Variants in PRKN observed in about 807,000 individuals in gnomAD.
The protein encoded by PRKN is E3 ubiquitin-protein ligase parkin.
Under a neutral mutation model 59.5 loss-of-function variants are expected in PRKN, and 56 were observed. That is an observed-to-expected ratio of 0.94 (90% CI 0.76 to 1.18). The LOEUF is 1.18. Ranked by LOEUF, PRKN falls within the 50% of genes most tolerant of loss-of-function variation. The pLI is 0.00. For synonymous variants in PRKN, 250 were observed against 222.1 expected, an observed-to-expected ratio of 1.13 and a Z score of -1.12; for missense variants, 657 against 596.4, an observed-to-expected ratio of 1.10 and a Z score of -1.06.
At chr6:162,393,557 T>G (rs1405359413) in intron 2 of PRKN, among the ~76,000 whole-genome samples, 1 of 152,186 alleles carries the variant, frequency 6.6e-6, no homozygotes, top group Non-Finnish European at 1.5e-5. Context: ...GATCAACTTT[T>G]GCATGCACGA....
In PRKN at chr6:161,637,424, C is replaced by CA. The variant is rs111543575; in HGVS notation, c.872-68009dup. ...GAACAAAAACTTTTTATTCCTGTGGCAAAAAAAAAAAGGAGGGAAAGAAAA... is the reference window on the plus strand; with the variant it reads ...GAACAAAAACTTTTTATTCCTGTGGCAAAAAAAAAAAAGGAGGGAAAGAAAA... On this transcript the variant is annotated intron_variant, in intron 7 of 11. Coordinates refer to ENST00000366898, the MANE Select transcript of PRKN (RefSeq NM_004562.3). 9.1e-3 allele frequency among the ~76,000 whole-genome samples: 1,235 copies of CA among 135,204 alleles called. 11 individuals are homozygous for CA. Among genetic ancestry groups the CA allele is most frequent in the African/African-American group, 0.016 (621 of 37,944 alleles). The allele number at this position is 135,204 out of a possible 152,430, so 88.7% of individuals were successfully genotyped here.
chr6:162,172,082 A>G (rs1783306182), intron 4 of PRKN, among the ~76,000 whole-genome samples: 1 of 152,234 alleles, frequency 6.6e-6, no homozygotes, highest in South Asian at 2.1e-4. Flanking sequence ...TGAAGTGCAC[A>G]GGATAAAAAA....
chr6:162,663,444 TA>T (rs1197900546), intron 1 of PRKN, among the ~76,000 whole-genome samples: 1 of 151,970 alleles, frequency 6.6e-6, no homozygotes, highest in Non-Finnish European at 1.5e-5. Flanking sequence ...TGAGTTGGGT[TA>T]GTTGCAGACA....
chr6:162,415,149 G>A (rs978265642), intron 2 of PRKN, among the ~76,000 whole-genome samples: 6 of 152,118 alleles, frequency 3.9e-5, no homozygotes, highest in East Asian at 1.9e-4. Flanking sequence ...TCACCTTGCC[G>A]GCAACCCTGC....
Position 161,548,744 on chromosome 6 carries a change from G to T in PRKN, c.1083+110C>A. On this transcript the variant is annotated intron_variant, in intron 9 of 11. Coordinates refer to ENST00000366898, the MANE Select transcript of PRKN (RefSeq NM_004562.3). The surrounding 1 kb of genome is among the most constrained non-coding windows in gnomAD (Gnocchi z 4.2). ...TTTTCTTATATGTAAGTTCAAAGAT[G>T]TCTAAGTCCAAAGGGAAAATGAAAA... 1 of 1,019,756 alleles carries T rather than the reference G, an allele frequency of 9.8e-7. No homozygotes were observed. Among genetic ancestry groups the T allele is most frequent in the Non-Finnish European group, 1.5e-6 (1 of 671,988 alleles). The allele number at this position is 1,019,756 out of a possible 1,614,324, so 63.2% of individuals were successfully genotyped here. A position where few individuals can be genotyped will look rare whatever the true frequency, so the allele number is the denominator to read the frequency against.
intron 6 of PRKN, among the ~76,000 whole-genome samples, chr6:161,963,239 T>C (rs73026528): frequency 0.09 from 13,706 of 152,088 alleles, 619 homozygotes; most frequent in Middle Eastern, 0.15. Context: ...ACACGCAAGG[T>C]TGACCCTAAC....
chr6:161,351,490 A>G (rs1784550239), intron 11 of PRKN, among the ~76,000 whole-genome samples: 1 of 151,884 alleles, frequency 6.6e-6, no homozygotes, highest in South Asian at 2.1e-4. Flanking sequence ...ATGCCCAGCT[A>G]ATTTTTGAAT....
chr6:161,908,993 A>G (rs1778254401), intron 6 of PRKN, among the ~76,000 whole-genome samples: 1 of 152,214 alleles, frequency 6.6e-6, no homozygotes, highest in Non-Finnish European at 1.5e-5. Flanking sequence ...AATTGAAGAG[A>G]GGCCTGTAAT....
At position 162,286,761 on chromosome 6, in the gene PRKN, G is replaced by A. The variant is rs74732866; in HGVS notation, c.172-23996C>T. ...TAAAATATCTGGCCAAGTAGCTGGCGTTTAAACAGATCAAGCATTTTACCT... is the reference window on the plus strand; with the variant it reads ...TAAAATATCTGGCCAAGTAGCTGGCATTTAAACAGATCAAGCATTTTACCT... On this transcript the variant is annotated intron_variant, in intron 2 of 11. Coordinates refer to ENST00000366898, the MANE Select transcript of PRKN (RefSeq NM_004562.3). Among the ~76,000 whole-genome samples, 1,448 of 152,214 alleles carry A rather than the reference G, an allele frequency of 9.5e-3. 25 individuals carry two copies. Among genetic ancestry groups the A allele is most frequent in the African/African-American group, 0.032 (1,321 of 41,546 alleles).
chr6:161,348,413 A>C lies in PRKN; in HGVS notation c.*1686T>G, dbSNP rs959188620. The C allele has an allele frequency of 8.9e-6, 2 of 223,728 alleles. No homozygotes were observed. The highest frequency in any genetic ancestry group is 5.8e-5 in the Admixed American group (1 of 17,360). The allele number at this position is 223,728 out of a possible 1,614,324, so 13.9% of individuals were successfully genotyped here. A position where few individuals can be genotyped will look rare whatever the true frequency, so the allele number is the denominator to read the frequency against. ...ACAGGTCTGTTGTCACCGTGGGGCC[A>C]TGTTGGAGTCGGTAGATTTTCAGAC... On this transcript the variant is annotated 3_prime_UTR_variant, in exon 12 of 12. Coordinates refer to ENST00000366898, the MANE Select transcript of PRKN (RefSeq NM_004562.3). The surrounding 1 kb of genome is among the most constrained non-coding windows in gnomAD (Gnocchi z 4.9).
intron 7 of PRKN, among the ~76,000 whole-genome samples, chr6:161,621,775 A>G (rs1782909699): frequency 6.6e-6 from 1 of 152,192 alleles, no homozygotes; most frequent in South Asian, 2.1e-4. Context: ...TGATCTAGTT[A>G]ACCTTGCTGG....
At position 161,730,878 on chromosome 6, in the gene PRKN, A is replaced by G. The variant is rs141595741; in HGVS notation, c.871+54894T>C. Among the ~76,000 whole-genome samples, 70 of 149,866 alleles carry G rather than the reference A, an allele frequency of 4.7e-4. 1 individual carries two copies. The East Asian group carries it at 0.013, about 29-fold the overall frequency. ...ATTCTGAAGTGTTGCATTCTTTCTGATATGTTGCATTCTGGCGTGTTGCAT... is the reference window on the plus strand; with the variant it reads ...ATTCTGAAGTGTTGCATTCTTTCTGGTATGTTGCATTCTGGCGTGTTGCAT... On this transcript the variant is annotated intron_variant, in intron 7 of 11. Transcript: ENST00000366898.
In PRKN at chr6:161,376,500, G is replaced by A. The variant is rs1785708298; in HGVS notation, c.1167+10294C>T. On this transcript the variant is annotated intron_variant, in intron 10 of 11. Coordinates refer to ENST00000366898, the MANE Select transcript of PRKN (RefSeq NM_004562.3). This position sits in a 1 kb window ranked among gnomAD's most constrained non-coding sequence, Gnocchi z 7.3. The stretch of plus-strand genomic sequence containing the variant: ...GTCTTCTAATCCACTGCCAAGTTCT[G>A]CAGATCCGACCTCAAGCCCATCCCC... Among the ~76,000 whole-genome samples, 3 of 152,134 alleles carry A rather than the reference G, an allele frequency of 2.0e-5. No homozygotes were observed. Among genetic ancestry groups the A allele is most frequent in the Admixed American group, 6.5e-5 (1 of 15,278 alleles).
intron 6 of PRKN, among the ~76,000 whole-genome samples, chr6:161,812,229 T>C (rs1047649134): frequency 5.3e-5 from 8 of 151,696 alleles, no homozygotes; most frequent in Non-Finnish European, 7.4e-5. Flanking sequence ...TCTAAAAGAA[T>C]AAAAATAAAA....
intron 1 of PRKN, among the ~76,000 whole-genome samples, chr6:162,582,547 C>A (rs1001741951): frequency 1.3e-5 from 2 of 152,142 alleles, no homozygotes; most frequent in Admixed American, 6.6e-5. Context: ...TTTCTAGGAC[C>A]AAATTCAAGT....
chr6:161,779,430 C>CTTTTTTTT (rs1790097814), intron 7 of PRKN, among the ~76,000 whole-genome samples: 5 of 46,880 alleles, frequency 1.1e-4, no homozygotes, highest in African/African-American at 2.1e-4. Context: ...TTCTCTTTTT[C>CTTTTTTTT]TTTTCTTTTC....
chr6:161,653,225 G>C (rs1003561349), intron 7 of PRKN, among the ~76,000 whole-genome samples: 3 of 152,096 alleles, frequency 2.0e-5, no homozygotes, highest in African/African-American at 7.2e-5. Flanking sequence ...ATAGCTGGGC[G>C]TGGTGGCGCA....
chr6:161,928,679 A>G (rs759114395), intron 6 of PRKN, among the ~76,000 whole-genome samples: 3 of 152,184 alleles, frequency 2.0e-5, no homozygotes, highest in Non-Finnish European at 4.4e-5. Context: ...CTGGAATTAC[A>G]ACAGCTGACC....
chr6:162,607,707 AT>A lies in PRKN; in HGVS notation c.7+119954del, dbSNP rs1781980930. Among the ~76,000 whole-genome samples, 5 of 152,156 alleles carry A rather than the reference AT, an allele frequency of 3.3e-5. No individual in the cohort carries two copies. The South Asian group carries it at 1.0e-3, about 32-fold the overall frequency. On this transcript the variant is annotated intron_variant, in intron 1 of 11. Transcript: ENST00000366898. ...ATACAAAGCAAAGCACCAGTGGGAG[AT>A]TTGCCTTAGGATGCAAGGAAGCTTG... is the stretch of plus-strand genomic sequence containing the variant.
Sources: allele counts gnomAD v4.1 joint callset (sites outside exome capture counted in the v4.1 genomes callset), GRCh38; gene constraint gnomAD v4.1.1; non-coding constraint Gnocchi (gnomAD v3.1); transcripts MANE v1.5; gene names NCBI Gene and HGNC (gene_info 2026-07-23, HGNC 2026-07-21).